COG5: variants seen among roughly 807,000 people sequenced by gnomAD.
COG5 encodes component of oligomeric golgi complex 5.
COG5 carries 86 observed loss-of-function variants against 110.4 expected under a neutral mutation model. The observed-to-expected ratio is 0.78, with a 90% CI of 0.65 to 0.93. The LOEUF is 0.93. Ranked by LOEUF, COG5 falls within the 40% of genes least tolerant of loss-of-function variation. The pLI is 0.00. For missense variants in COG5, 1,077 were observed against 987.0 expected, an observed-to-expected ratio of 1.09 and a Z score of -1.22; for synonymous variants, 360 against 334.6, an observed-to-expected ratio of 1.08 and a Z score of -0.83.
At chr7:107,205,960 T>TA (rs1798741574) in intron 21 of COG5, among the ~76,000 whole-genome samples, 1 of 151,754 alleles carries the variant, frequency 6.6e-6, no homozygotes, top group African/African-American at 2.4e-5. Context: ...AGCTGTTTTT[T>TA]TTTTTTTTTT....
At chr7:107,219,830 A>G (rs1377976271) in intron 19 of COG5, among the ~76,000 whole-genome samples, 1 of 152,244 alleles carries the variant, frequency 6.6e-6, no homozygotes, top group East Asian at 1.9e-4. Flanking sequence ...ATAAATTTCA[A>G]ATGTTCTTAT....
In COG5 at chr7:107,203,509, C is replaced by T; in HGVS notation, c.*7G>A. 3.1e-6 allele frequency: 5 copies of T among 1,591,604 alleles called. No homozygotes were observed. The highest frequency in any genetic ancestry group is 4.3e-6 in the Non-Finnish European group (5 of 1,159,442). On this transcript the variant is annotated 3_prime_UTR_variant, in exon 22 of 22. Transcript: ENST00000297135. ...ACAAAGTGGAGATGAACAAAGATTT[C>T]ATGTCATTACTGAAGAGCAGACATA...
chr7:107,477,368 G>A (rs1797053401), intron 6 of COG5, among the ~76,000 whole-genome samples: 1 of 151,500 alleles, frequency 6.6e-6, no homozygotes, highest in Non-Finnish European at 1.5e-5. Context: ...ACTCCCTTGT[G>A]TTTTAAATAT....
At chr7:107,475,293 C>CA in intron 6 of COG5, 2 of 1,590,260 alleles carry the variant, frequency 1.3e-6, no homozygotes, top group Non-Finnish European at 1.7e-6. Context: ...CTAAAAGAAA[C>CA]AAAAAAATTA....
chr7:107,408,341 T>C (rs1792016462), intron 7 of COG5, among the ~76,000 whole-genome samples: 1 of 152,254 alleles, frequency 6.6e-6, no homozygotes, highest in Admixed American at 6.5e-5. Flanking sequence ...TGAGCTGATT[T>C]CCAAGTTTTC....
intron 7 of COG5, among the ~76,000 whole-genome samples, chr7:107,405,210 A>T (rs1023554003): frequency 1.3e-5 from 2 of 152,194 alleles, no homozygotes; most frequent in African/African-American, 4.8e-5. Flanking sequence ...CCATACAGAA[A>T]ATGGATAATT....
intron 18 of COG5, among the ~76,000 whole-genome samples, chr7:107,234,942 G>A (rs1185409776): frequency 2.6e-5 from 4 of 152,128 alleles, no homozygotes; most frequent in Non-Finnish European, 5.9e-5. Flanking sequence ...GCCTAAGAAT[G>A]AAGTTCATAA....
At chr7:107,554,205 T>C in intron 3 of COG5, 80 bp downstream of exon 3, 3 of 1,221,416 alleles carry the variant, frequency 2.5e-6, no homozygotes, top group Non-Finnish European at 3.6e-6. Context: ...CTAAAATACT[T>C]GCCATCCAAA....
At chr7:107,442,308 T>G (rs983484073) in intron 6 of COG5, among the ~76,000 whole-genome samples, 4 of 152,154 alleles carry the variant, frequency 2.6e-5, no homozygotes, top group Admixed American at 2.6e-4. Flanking sequence ...GAGGCTTCCC[T>G]AGAAGCAGAA....
Position 107,480,803 on chromosome 7 carries a change from A to C in COG5, c.538+46434T>G, listed in dbSNP as rs1028748372. On this transcript the variant is annotated intron_variant, in intron 6 of 21. Transcript: ENST00000297135. The stretch of plus-strand genomic sequence containing the variant: ...AAAATGGCATTGAAATGTGGAAACA[A>C]ATGGAAAAGTGGGCTTACCACTAAT... The C allele has an allele frequency of 2.1e-4, 32 of 152,206 alleles. 1 individual carries two copies. The highest frequency in any genetic ancestry group is 7.2e-4 in the African/African-American group (30 of 41,460). The allele number at this position is 152,206 out of a possible 1,614,324, so 9.4% of individuals were successfully genotyped here.
chr7:107,325,754 C>T (rs1286447806), intron 10 of COG5, among the ~76,000 whole-genome samples: 1 of 152,134 alleles, frequency 6.6e-6, no homozygotes, highest in African/African-American at 2.4e-5. Flanking sequence ...TAATTTTGGA[C>T]AAGTGAACAA....
At chr7:107,469,215 T>C (rs1002430620) in intron 6 of COG5, among the ~76,000 whole-genome samples, 3 of 151,826 alleles carry the variant, frequency 2.0e-5, no homozygotes, top group African/African-American at 7.3e-5. Flanking sequence ...TAGCTACATA[T>C]CATATTTAAG....
At chr7:107,270,989 ATTTACAGGCGTGAGACACCACACCTGGCC>A (rs1804226496) in intron 14 of COG5, among the ~76,000 whole-genome samples, 2 of 130,102 alleles carry the variant, frequency 1.5e-5, no homozygotes, top group African/African-American at 6.0e-5. Flanking sequence ...GTTTGCTGGG[ATTTACAGGCGTGAGACACCACACCTGGCC>A]TTTACTATAA....
At chr7:107,538,674 T>C (rs2520263) in intron 5 of COG5, among the ~76,000 whole-genome samples, 40,338 of 151,786 alleles carry the variant, frequency 0.27, 5,483 homozygotes, top group East Asian at 0.33. Context: ...TGGAAATAGT[T>C]TGGCATTCCT....
chr7:107,530,725 C>T (rs1801147333), intron 5 of COG5, among the ~76,000 whole-genome samples: 1 of 151,740 alleles, frequency 6.6e-6, no homozygotes, highest in Non-Finnish European at 1.5e-5. Flanking sequence ...TAATAAAATC[C>T]TTAGTTAATA....
intron 5 of COG5, among the ~76,000 whole-genome samples, chr7:107,545,082 A>C (rs566060663): frequency 6.6e-6 from 1 of 152,212 alleles, no homozygotes; most frequent in African/African-American, 2.4e-5. Context: ...GAAATGATCC[A>C]GTCAGAGGAA....
At chr7:107,210,457 C>G in intron 21 of COG5, 69 bp downstream of exon 21, 1 of 1,549,968 alleles carries the variant, frequency 6.5e-7, no homozygotes, top group Non-Finnish European at 8.7e-7. Flanking sequence ...GCTCCTTCAT[C>G]CTCTCTTGCA....
chr7:107,260,846 A>G (rs1205210851), intron 14 of COG5, among the ~76,000 whole-genome samples: 2 of 152,208 alleles, frequency 1.3e-5, no homozygotes, highest in Non-Finnish European at 2.9e-5. Flanking sequence ...TCTGCTGCTT[A>G]TCCTGATTTT....
chr7:107,546,442 T>G (rs901385272), intron 5 of COG5, among the ~76,000 whole-genome samples: 12 of 147,046 alleles, frequency 8.2e-5, no homozygotes, highest in East Asian at 7.9e-4. Context: ...TTTGTTTTTT[T>G]TTTTTTTTTT....
Sources: gnomAD v4.1 joint callset for allele counts (sites outside exome capture counted in the v4.1 genomes callset) on GRCh38, gnomAD v4.1.1 for gene constraint, MANE v1.5 for transcripts, NCBI Gene and HGNC (gene_info 2026-07-23, HGNC 2026-07-21) for gene names.